Variants in PROX1 observed in about 807,000 individuals in gnomAD.
The protein encoded by PROX1 is prospero homeobox 1, also known as prospero homeobox protein 1.
PROX1 carries 7 observed loss-of-function variants against 58.8 expected under a neutral mutation model. The observed-to-expected ratio is 0.12, with a 90% CI of 0.07 to 0.22. The LOEUF is 0.22. PROX1 is among the 10% of genes least tolerant of loss of function. PROX1 has a pLI of 1.00. For synonymous variants in PROX1, 350 were observed against 358.3 expected, an observed-to-expected ratio of 0.98 and a Z score of 0.26; for missense variants, 675 against 927.8, an observed-to-expected ratio of 0.73 and a Z score of 3.54.
chr1:214,028,928 A>C (rs940867915), intron 4 of PROX1: 9 of 152,216 alleles, frequency 5.9e-5, no homozygotes, highest in Admixed American at 2.6e-4. Context: ...TGTGAGTGAG[A>C]CAGTGAAGAG....
At chr1:214,035,518 G>C (rs1664799143) in intron 4 of PROX1, 131 bp from the exon 5 acceptor site, 1 of 805,596 alleles carries the variant, frequency 1.2e-6, no homozygotes, top group South Asian at 2.2e-5. Flanking sequence ...ATAGAAGCCA[G>C]CTATTTTTAG....
At chr1:214,001,461 G>GA (rs1197148013) in intron 2 of PROX1, among the ~76,000 whole-genome samples, 1 of 152,114 alleles carries the variant, frequency 6.6e-6, no homozygotes, top group Non-Finnish European at 1.5e-5. Flanking sequence ...TGCATCTCAA[G>GA]AAAAATAGCC....
chr1:214,003,441 G>C (rs1663594744), intron 2 of PROX1, among the ~76,000 whole-genome samples: 1 of 152,150 alleles, frequency 6.6e-6, no homozygotes, highest in African/African-American at 2.4e-5. Flanking sequence ...GGCTCCTTTA[G>C]TCTTCTGTAT....
chr1:214,034,848 A>G (rs779596269), intron 4 of PROX1, among the ~76,000 whole-genome samples: 4 of 152,162 alleles, frequency 2.6e-5, no homozygotes, highest in Non-Finnish European at 5.9e-5. Flanking sequence ...CTGGGATAAT[A>G]ACACCCCTTA....
rs1038586630 is a variant in PROX1, at chr1:214,037,114, A to AT, written c.*1284dup. ...AGCACACATAAGAAAGCTAGCTGCT[A>AT]TTTTATGCTTTCTTCCATGGTTCTC... On this transcript the variant is annotated 3_prime_UTR_variant, in exon 5 of 5. Coordinates refer to ENST00000366958, the MANE Select transcript of PROX1 (RefSeq NM_001270616.2). 32 of 152,336 alleles carry AT rather than the reference A, an allele frequency of 2.1e-4. No individual in the cohort carries two copies. The highest frequency in any genetic ancestry group is 9.1e-4 in the Admixed American group (14 of 15,304). The allele number at this position is 152,336 out of a possible 1,614,324, so 9.4% of individuals were successfully genotyped here. A position where few individuals can be genotyped will look rare whatever the true frequency, so the allele number is the denominator to read the frequency against.
Position 213,997,194 on chromosome 1 carries a change from G to C in PROX1, c.659G>C (p.Ser220Thr). ...AAGCTTCCCCAGCAGCAGCAACAGA[G>C]TTTCCAGCAGCTGGTTTCAGCCCGA... ...KQKLPQQQQQ[S>T]FQQLVSARKE... The change falls in exon 2 of 5, where the codon AGT becomes ACT. Residue 220 changes from serine (S) to threonine (T), a missense_variant. Coordinates refer to ENST00000366958, the MANE Select transcript of PROX1 (RefSeq NM_001270616.2). The surrounding 1 kb of genome is among the most constrained non-coding windows in gnomAD (Gnocchi z 7.1). The C allele has an allele frequency of 6.2e-7, 1 of 1,613,200 alleles. No homozygotes were observed. Among genetic ancestry groups the C allele is most frequent in the East Asian group, 2.2e-5 (1 of 44,866 alleles).
At chr1:213,985,559 G>C (rs1204655420), upstream of PROX1, 1 of 152,236 alleles carries the variant, frequency 6.6e-6, no homozygotes, top group Non-Finnish European at 1.5e-5. Flanking sequence ...CGCGAGCCGG[G>C]AGCCTCTGCC....
chr1:213,986,405 A>C (rs540389574), upstream of PROX1: 1 of 152,096 alleles, frequency 6.6e-6, no homozygotes, highest in Admixed American at 6.5e-5. Flanking sequence ...GCCGGGATAG[A>C]CTCGGACATA....
chr1:214,000,041 CTT>C lies in PROX1; in HGVS notation c.1725+1782_1725+1783del, dbSNP rs1162796344. Reference sequence around the variant, plus strand: ...GGGTTCTTTCTGTCTCTCTCTCTCTCTTACACACACACACACACACACACAGA... The same window carrying C: ...GGGTTCTTTCTGTCTCTCTCTCTCTCACACACACACACACACACACACAGA... On this transcript the variant is annotated intron_variant, in intron 2 of 4. Transcript: ENST00000366958. 1.4e-4 allele frequency among the ~76,000 whole-genome samples: 19 copies of C among 137,648 alleles called. No homozygotes were observed. In the East Asian group the frequency reaches 1.5e-3, roughly 11 times the overall value. 90.3% of individuals were successfully genotyped at this position (137,648 alleles called of 152,430 possible).
chr1:213,991,505 T>C (rs1286233776), intron 1 of PROX1, among the ~76,000 whole-genome samples: 1 of 152,222 alleles, frequency 6.6e-6, no homozygotes, highest in Non-Finnish European at 1.5e-5. Context: ...ATGCCTATGT[T>C]CATTTGCTTT....
At chr1:213,994,934 C>T (rs1663201475) in intron 1 of PROX1, among the ~76,000 whole-genome samples, 1 of 151,436 alleles carries the variant, frequency 6.6e-6, no homozygotes, top group Non-Finnish European at 1.5e-5. Context: ...CATATTGTTG[C>T]CATCTAAGCA....
chr1:213,987,635 T>G (rs1415899533), upstream of PROX1: 1 of 142,904 alleles, frequency 7.0e-6, no homozygotes, highest in Non-Finnish European at 1.5e-5. Flanking sequence ...TCTCCCGCTT[T>G]GCATAGTGCC....
intron 2 of PROX1, among the ~76,000 whole-genome samples, chr1:214,001,760 A>G (rs946808576): frequency 2.0e-5 from 3 of 152,182 alleles, no homozygotes; most frequent in African/African-American, 7.2e-5. Context: ...TGTGGAGGCT[A>G]TAGTACTTAT....
chr1:213,983,705 C>T (rs1662754942), upstream of PROX1: 1 of 152,332 alleles, frequency 6.6e-6, no homozygotes, highest in South Asian at 2.1e-4. Flanking sequence ...ACCCCTTTCT[C>T]GCCGAAGGCA....
chr1:213,988,920 G>A (rs1662913542), intron 1 of PROX1, among the ~76,000 whole-genome samples: 1 of 151,904 alleles, frequency 6.6e-6, no homozygotes, highest in Non-Finnish European at 1.5e-5. Flanking sequence ...AGAGGACCGC[G>A]AGAGGGACCG....
At chr1:214,016,562 C>T (rs1424320285) in intron 4 of PROX1, among the ~76,000 whole-genome samples, 1 of 152,096 alleles carries the variant, frequency 6.6e-6, no homozygotes, top group Non-Finnish European at 1.5e-5. Context: ...GAAAAGAAAC[C>T]CTTACCATTT....
intron 1 of PROX1, among the ~76,000 whole-genome samples, chr1:213,990,394 G>T (rs1303180325): frequency 7.9e-6 from 1 of 126,360 alleles, no homozygotes; most frequent in African/African-American, 3.0e-5. Context: ...ATGGGAATTG[G>T]GCTGTTGTTC....
At chr1:214,003,962 T>C (rs1663614399) in intron 2 of PROX1, among the ~76,000 whole-genome samples, 1 of 113,412 alleles carries the variant, frequency 8.8e-6, no homozygotes, top group Non-Finnish European at 2.0e-5. Flanking sequence ...TGTTGGGTAG[T>C]TGTGTGAGTG....
At chr1:214,007,392 A>G (rs1663754568) in intron 3 of PROX1, among the ~76,000 whole-genome samples, 2 of 152,240 alleles carry the variant, frequency 1.3e-5, no homozygotes, top group African/African-American at 4.8e-5. Flanking sequence ...TATCAGGCAA[A>G]GCAGAAAATC....
Sources: allele counts gnomAD v4.1 joint callset (sites outside exome capture counted in the v4.1 genomes callset), GRCh38; gene constraint gnomAD v4.1.1; non-coding constraint Gnocchi (gnomAD v3.1); transcripts MANE v1.5; gene names NCBI Gene and HGNC (gene_info 2026-07-23, HGNC 2026-07-21).